The following FGF7 variants were observed in gnomAD, a reference collection of about 807,000 sequenced individuals.
The protein encoded by FGF7 is FGF-7.
FGF7 carries 6 observed loss-of-function variants against 20.5 expected under a neutral mutation model. That is an observed-to-expected ratio of 0.29 (90% confidence interval 0.16 to 0.58). The LOEUF is 0.58. FGF7 is among the 20% of genes least tolerant of loss of function. The probability of loss-of-function intolerance (pLI) is 0.90; values close to 1 mark genes in which losing one functional copy is unlikely to be tolerated. For synonymous variants in FGF7, 64 were observed against 74.7 expected (o/e 0.86, Z 0.74); for missense variants, 144 against 228.8 (o/e 0.63, Z 2.39).
At chr15:49,464,851 C>A (rs1027764942) in intron 2 of FGF7, among the ~76,000 whole-genome samples, 2 of 152,084 alleles carry the variant, frequency 1.3e-5, no homozygotes, top group African/African-American at 4.8e-5. Context: ...CTATACAGTA[C>A]AATGGAAGCA....
intron 2 of FGF7, among the ~76,000 whole-genome samples, chr15:49,479,482 A>G (rs1453187933): frequency 1.3e-5 from 2 of 152,120 alleles, no homozygotes; most frequent in African/African-American, 2.4e-5. Context: ...ACCAAGTATA[A>G]TTAACTTATA....
At chr15:49,433,599 C>T (rs2050813451) in intron 2 of FGF7, among the ~76,000 whole-genome samples, 1 of 151,580 alleles carries the variant, frequency 6.6e-6, no homozygotes, top group Non-Finnish European at 1.5e-5. Context: ...AAAAAAATGG[C>T]CTCCAGAACC....
intron 1 of FGF7, 122 bp from the exon 2 acceptor site, chr15:49,423,910 A>C (rs998495253): frequency 6.1e-6 from 1 of 162,892 alleles, no homozygotes; most frequent in Non-Finnish European, 1.3e-5. Context: ...TTTTAAATGT[A>C]TCTTCAAAGA....
chr15:49,424,659 A>C, intron 2 of FGF7, 76 bp downstream of exon 2: 13 of 1,184,750 alleles, frequency 1.1e-5, no homozygotes, highest in Non-Finnish European at 1.4e-5. Context: ...ATGTTTTCTC[A>C]TCTTCCTTTT....
chr15:49,451,489 T>G (rs1438912966), intron 2 of FGF7, among the ~76,000 whole-genome samples: 1 of 152,072 alleles, frequency 6.6e-6, no homozygotes, highest in Non-Finnish European at 1.5e-5. Context: ...ATATATAGAT[T>G]ATAACATCAA....
intron 2 of FGF7, chr15:49,434,284 G>C (rs1049245817): frequency 1.3e-5 from 2 of 151,022 alleles, no homozygotes; most frequent in African/African-American, 4.8e-5. Context: ...AAAGGTTAAT[G>C]ACTTTTTTTT....
intron 2 of FGF7, among the ~76,000 whole-genome samples, chr15:49,427,487 T>A (rs1006288377): frequency 1.3e-5 from 2 of 152,062 alleles, no homozygotes; most frequent in African/African-American, 4.8e-5. Flanking sequence ...CAGGTTGTCA[T>A]GTCAATCACC....
At chr15:49,461,114 T>C (rs564049377) in intron 2 of FGF7, among the ~76,000 whole-genome samples, 59 of 152,284 alleles carry the variant, frequency 3.9e-4, no homozygotes, top group African/African-American at 1.4e-3. Flanking sequence ...TAAATATCTC[T>C]TCCATCCTGA....
chr15:49,477,596 T>C (rs1434472576), intron 2 of FGF7, among the ~76,000 whole-genome samples: 2 of 152,202 alleles, frequency 1.3e-5, no homozygotes, highest in East Asian at 3.8e-4. Flanking sequence ...GATATGTGGG[T>C]TGCGTCTGGT....
Position 49,484,462 on chromosome 15 carries a change from A to T in FGF7, c.543A>T (p.Lys181Asn). Residue 181 changes from lysine to asparagine, a missense_variant, in exon 4 of 4, where the codon AAA becomes AAT. Around this residue, in one of 2 missense-constraint regions of FGF7, gnomAD observed 56 missense variants for 125.4 expected, o/e 0.45. Transcript: ENST00000267843. ...GIPVRGKKTKKEQKTAHFLPM... is the reference protein window; with the variant it reads ...GIPVRGKKTKNEQKTAHFLPM... ...CTGTAAGAGGAAAAAAAACGAAGAA[A>T]GAACAAAAAACAGCCCACTTTCTTC... 1 of 1,579,752 alleles carries T rather than the reference A, an allele frequency of 6.3e-7. No homozygotes were observed. Among genetic ancestry groups the T allele is most frequent in the South Asian group, 1.1e-5 (1 of 87,810 alleles).
At chr15:49,476,225 G>T (rs56159203) in intron 2 of FGF7, among the ~76,000 whole-genome samples, 13,838 of 82,232 alleles carry the variant, frequency 0.17, 1,595 homozygotes, top group Non-Finnish European at 0.25. Flanking sequence ...TTGTTTTTTT[G>T]TTTTTGGTTT....
At chr15:49,431,678 G>A (rs2151790013) in intron 2 of FGF7, among the ~76,000 whole-genome samples, 1 of 151,722 alleles carries the variant, frequency 6.6e-6, no homozygotes, top group African/African-American at 2.4e-5. Context: ...TAAAAATAAA[G>A]AGGAAGAAAA....
chr15:49,453,522 G>A (rs1043040199), intron 2 of FGF7, among the ~76,000 whole-genome samples: 9 of 152,056 alleles, frequency 5.9e-5, no homozygotes, highest in Non-Finnish European at 8.8e-5. Flanking sequence ...CATTGCAAGG[G>A]TTCAGTAGCC....
At chr15:49,435,341 G>C (rs2051003525) in intron 2 of FGF7, among the ~76,000 whole-genome samples, 1 of 151,446 alleles carries the variant, frequency 6.6e-6, no homozygotes, top group Non-Finnish European at 1.5e-5. Flanking sequence ...AATTATGAAG[G>C]TTATCTACCA....
intron 2 of FGF7, among the ~76,000 whole-genome samples, chr15:49,463,587 C>T (rs1022096902): frequency 2.6e-5 from 4 of 151,586 alleles, no homozygotes; most frequent in African/African-American, 9.7e-5. Flanking sequence ...CAACTAGCTG[C>T]ATAAGTTCTT....
intron 2 of FGF7, among the ~76,000 whole-genome samples, chr15:49,431,980 A>T (rs547666611): frequency 1.2e-3 from 178 of 151,808 alleles, no homozygotes; most frequent in Non-Finnish European, 2.1e-3. Flanking sequence ...TATTACAGGT[A>T]TTACTCAAAT....
intron 2 of FGF7, among the ~76,000 whole-genome samples, chr15:49,451,000 G>A (rs1305547644): frequency 1.3e-5 from 2 of 152,078 alleles, no homozygotes; most frequent in South Asian, 2.1e-4. Flanking sequence ...CCATCTGTAT[G>A]TGTGTGAGTG....
At chr15:49,466,728 A>G (rs1247227981) in intron 2 of FGF7, among the ~76,000 whole-genome samples, 2 of 152,208 alleles carry the variant, frequency 1.3e-5, no homozygotes, top group Admixed American at 6.6e-5. Flanking sequence ...GGCTGGATAT[A>G]CATTGGTAAT....
chr15:49,483,937 G>C (rs577693553), intron 3 of FGF7, among the ~76,000 whole-genome samples: 1 of 152,028 alleles, frequency 6.6e-6, no homozygotes. Flanking sequence ...GGGAGGCAGA[G>C]GTTCTGCTAA....
Sources: gnomAD v4.1 joint callset for allele counts (sites outside exome capture counted in the v4.1 genomes callset) on GRCh38, gnomAD v4.1.1 for gene constraint, gnomAD v4.1.1 regional missense constraint, MANE v1.5 for transcripts, NCBI Gene and HGNC (gene_info 2026-07-23, HGNC 2026-07-21) for gene names.